The following REV1 variants were observed in gnomAD, a reference collection of about 807,000 sequenced individuals.
The protein encoded by REV1 is REV1 DNA directed polymerase.
REV1 carries 42 observed loss-of-function variants against 137.4 expected under a neutral mutation model. That is an observed-to-expected ratio of 0.31 (90% CI 0.24 to 0.40). The LOEUF (loss-of-function observed/expected upper bound fraction) is 0.40, where lower values mean the gene tolerates loss of function less well. Among genes scored for constraint, REV1 ranks in the 10% least tolerant of loss-of-function variants. The pLI is 1.00. For synonymous variants in REV1, 524 were observed against 519.2 expected (o/e 1.01, Z -0.12); for missense variants, 1,282 against 1,490.1 (o/e 0.86, Z 2.30).
chr2:99,402,891 G>A lies in REV1; in HGVS notation c.3382C>T (p.Leu1128=). ...AAAGGTCAAAGTTAAGGAATTACCA[G>A]GGGTTTCTCTGCAGGAGGTCCTTCA... ...KHEGPPAEKP[L]EELSASTSGV... Residue 1128 remains leucine (L), a splice_region_variant and synonymous_variant, in exon 20 of 23, where the codon CTG becomes TTG. Coordinates refer to ENST00000258428, the MANE Select transcript of REV1 (RefSeq NM_016316.4). 1.2e-6 allele frequency: 2 copies of A among 1,613,464 alleles called. No homozygotes were observed. Among genetic ancestry groups the A allele is most frequent in the Non-Finnish European group, 1.7e-6 (2 of 1,179,812 alleles).
At chr2:99,436,990 G>GTTTTTTTTT (rs749608176) in intron 6 of REV1, among the ~76,000 whole-genome samples, 2 of 128,916 alleles carry the variant, frequency 1.6e-5, no homozygotes, top group Non-Finnish European at 3.3e-5. Context: ...CTTTTTTTTT[G>GTTTTTTTTT]TTTTTTTTTT....
chr2:99,412,643 T>C (rs2104483803), intron 13 of REV1, 88 bp downstream of exon 13: 2 of 996,856 alleles, frequency 2.0e-6, no homozygotes, highest in East Asian at 2.4e-5. Flanking sequence ...ATTTCAAGCA[T>C]TGAGGGTCTA....
At chr2:99,433,215 A>G (rs2104753451) in intron 8 of REV1, among the ~76,000 whole-genome samples, 1 of 152,308 alleles carries the variant, frequency 6.6e-6, no homozygotes, top group South Asian at 2.1e-4. Context: ...CATACTACCA[A>G]TACCTAAGAA....
intron 1 of REV1, among the ~76,000 whole-genome samples, chr2:99,480,443 A>C (rs1686494240): frequency 6.6e-6 from 1 of 152,246 alleles, no homozygotes; most frequent in African/African-American, 2.4e-5. Flanking sequence ...AAGGCCTTGA[A>C]TATATCATAC....
chr2:99,459,883 T>C (rs1053523648), intron 3 of REV1, among the ~76,000 whole-genome samples: 1 of 152,230 alleles, frequency 6.6e-6, no homozygotes, highest in Non-Finnish European at 1.5e-5. Flanking sequence ...GTATAGGGAC[T>C]ACGAAATCAT....
intron 3 of REV1, among the ~76,000 whole-genome samples, chr2:99,453,254 G>A (rs1409339846): frequency 1.3e-5 from 2 of 151,700 alleles, no homozygotes; most frequent in Non-Finnish European, 2.9e-5. Context: ...AGCTACTCAG[G>A]AGGCTGAGGC....
intron 16 of REV1, 103 bp downstream of exon 16, chr2:99,406,222 A>C: frequency 7.0e-7 from 1 of 1,427,904 alleles, no homozygotes; most frequent in Non-Finnish European, 9.4e-7. Context: ...GAAGAATATA[A>C]ATTTTTAAAA....
chr2:99,442,079 C>T (rs1681554990), intron 5 of REV1, among the ~76,000 whole-genome samples: 1 of 151,402 alleles, frequency 6.6e-6, no homozygotes, highest in African/African-American at 2.4e-5. Flanking sequence ...TGGTGAAACC[C>T]CGTCTCTACT....
At chr2:99,424,344 AAT>A in intron 9 of REV1, 64 bp from the exon 10 acceptor site, 3 of 1,527,566 alleles carry the variant, frequency 2.0e-6, no homozygotes, top group Non-Finnish European at 2.7e-6. Flanking sequence ...ATATTTATCA[AAT>A]ATGTTGATAT....
intron 2 of REV1, 111 bp downstream of exon 2, chr2:99,464,810 TG>T: frequency 1.0e-6 from 1 of 954,520 alleles, no homozygotes; most frequent in Non-Finnish European, 1.7e-6. Flanking sequence ...CTCAAAGATG[TG>T]GTGTCTAAAG....
chr2:99,468,474 C>G (rs546481211), intron 1 of REV1, among the ~76,000 whole-genome samples: 1 of 152,354 alleles, frequency 6.6e-6, no homozygotes, highest in Non-Finnish European at 1.5e-5. Context: ...GTCCTCTTGA[C>G]TAAACCTACT....
At chr2:99,403,531 A>G in intron 19 of REV1, 164 bp downstream of exon 19, 2 of 854,826 alleles carry the variant, frequency 2.3e-6, no homozygotes, top group Non-Finnish European at 3.6e-6. Context: ...AACTAGAAAT[A>G]TGATGATATT....
intron 1 of REV1, among the ~76,000 whole-genome samples, chr2:99,479,105 G>A (rs1043588566): frequency 5.3e-5 from 8 of 151,788 alleles, no homozygotes; most frequent in African/African-American, 1.7e-4. Context: ...CGAGGTGGGC[G>A]GATCACGAGG....
At chr2:99,463,291 G>T (rs922011088) in intron 2 of REV1, among the ~76,000 whole-genome samples, 4 of 151,774 alleles carry the variant, frequency 2.6e-5, no homozygotes, top group African/African-American at 9.7e-5. Flanking sequence ...AGGCTGAGGT[G>T]GGCAGATCAC....
chr2:99,404,641 G>T lies in REV1; in HGVS notation c.2848C>A (p.Leu950Ile), dbSNP rs746254622. 1 of 1,611,856 alleles carries T rather than the reference G, an allele frequency of 6.2e-7. No homozygotes were observed. The highest frequency in any genetic ancestry group is 8.5e-7 in the Non-Finnish European group (1 of 1,179,480). The change falls in exon 18 of 23, where the codon CTC (leucine) becomes ATC (isoleucine). Residue 950 changes from leucine (L) to isoleucine (I), a missense_variant. Coordinates refer to ENST00000258428, the MANE Select transcript of REV1 (RefSeq NM_016316.4). ...CAGACTTGCTCTACTTGTTCCCGGA[G>T]ATCAGGTGGAAGTGCTTCTAAAACA... ...QSVLEALPPD[L>I]REQVEQVCAV...
chr2:99,421,321 T>G (rs1678645067), intron 11 of REV1, among the ~76,000 whole-genome samples, 178 bp downstream of exon 11: 1 of 152,088 alleles, frequency 6.6e-6, no homozygotes, highest in Admixed American at 6.6e-5. Context: ...TTGCGAAGAT[T>G]ATCAACCATT....
intron 1 of REV1, among the ~76,000 whole-genome samples, chr2:99,469,971 A>G (rs763755012): frequency 2.0e-4 from 30 of 152,050 alleles, no homozygotes; most frequent in Non-Finnish European, 3.2e-4. Context: ...AATACAAAAA[A>G]TTAGCCGGGC....
chr2:99,431,180 G>T (rs113929121), intron 8 of REV1, among the ~76,000 whole-genome samples: 1 of 152,078 alleles, frequency 6.6e-6, no homozygotes, highest in African/African-American at 2.4e-5. Flanking sequence ...ACCCATACAA[G>T]CATTTCTGGA....
intron 9 of REV1, 39 bp downstream of exon 9, chr2:99,429,801 A>G: frequency 8.3e-7 from 1 of 1,207,912 alleles, no homozygotes; most frequent in East Asian, 2.5e-5. Context: ...AATTAACCAA[A>G]TTATTCATTA....
Sources: gnomAD v4.1 joint callset for allele counts (sites outside exome capture counted in the v4.1 genomes callset) on GRCh38, gnomAD v4.1.1 for gene constraint, MANE v1.5 for transcripts, NCBI Gene and HGNC (gene_info 2026-07-23, HGNC 2026-07-21) for gene names.